SLIT3: variants seen among roughly 807,000 people sequenced by gnomAD.
The protein encoded by SLIT3 is slit guidance ligand 3, also known as slit homolog 3 protein.
Under a neutral mutation model 184.0 loss-of-function variants are expected in SLIT3, and 68 were observed. The observed-to-expected ratio is 0.37, with a 90% CI of 0.30 to 0.45. The LOEUF (loss-of-function observed/expected upper bound fraction) is 0.45. SLIT3 is among the 20% of genes least tolerant of loss of function. The pLI, the probability that SLIT3 is intolerant of heterozygous loss-of-function variation, is 1.00. For synonymous variants in SLIT3, 831 were observed against 828.6 expected (o/e 1.00, Z -0.05); for missense variants, 1,707 against 2,026.0 (o/e 0.84, Z 3.02).
At chr5:168,681,488 T>C (rs1761589914) in intron 32 of SLIT3, among the ~76,000 whole-genome samples, 1 of 152,148 alleles carries the variant, frequency 6.6e-6, no homozygotes, top group African/African-American at 2.4e-5. Context: ...GAATGAAGGG[T>C]ACTAAAGATC....
intron 1 of SLIT3, among the ~76,000 whole-genome samples, chr5:169,253,371 C>T (rs1312935794): frequency 1.3e-5 from 2 of 152,168 alleles, no homozygotes; most frequent in African/African-American, 4.8e-5. Context: ...ACACAAAGTG[C>T]ACTGCTGAAA....
chr5:168,912,924 T>C (rs948553188), intron 4 of SLIT3, among the ~76,000 whole-genome samples: 18 of 152,180 alleles, frequency 1.2e-4, no homozygotes, highest in Admixed American at 6.5e-4. Flanking sequence ...GATTCACTTG[T>C]TACAGCTCAT....
At chr5:168,711,586 AC>A (rs1312412679) in intron 24 of SLIT3, among the ~76,000 whole-genome samples, 2 of 152,190 alleles carry the variant, frequency 1.3e-5, no homozygotes, top group Non-Finnish European at 2.9e-5. Flanking sequence ...GAATATGCAT[AC>A]GTAGTATATC....
intron 25 of SLIT3, 117 bp from the exon 26 acceptor site, chr5:168,708,217 G>A: frequency 7.1e-7 from 1 of 1,399,460 alleles, no homozygotes; most frequent in Non-Finnish European, 9.9e-7. Flanking sequence ...CCAACTCCAT[G>A]CCCAGATGGC....
intron 4 of SLIT3, among the ~76,000 whole-genome samples, chr5:169,131,506 C>T (rs998103960): frequency 3.9e-5 from 6 of 152,172 alleles, no homozygotes; most frequent in African/African-American, 9.7e-5. Context: ...TCCCACTGAG[C>T]CCTAAGTCCC....
At chr5:168,983,467 C>A (rs1189644232) in intron 4 of SLIT3, among the ~76,000 whole-genome samples, 1 of 152,162 alleles carries the variant, frequency 6.6e-6, no homozygotes, top group Non-Finnish European at 1.5e-5. Context: ...CTCAGTGGGA[C>A]TTTGATGTCT....
At chr5:168,940,721 A>G (rs1032888784) in intron 4 of SLIT3, among the ~76,000 whole-genome samples, 2 of 152,186 alleles carry the variant, frequency 1.3e-5, no homozygotes, top group African/African-American at 2.4e-5. Context: ...GCTTTTCGGG[A>G]CAGTTTTATT....
chr5:168,895,401 G>C (rs1029855754), intron 4 of SLIT3, among the ~76,000 whole-genome samples: 4 of 152,114 alleles, frequency 2.6e-5, no homozygotes, highest in African/African-American at 9.7e-5. Context: ...GTATATGTCT[G>C]TGCTTTCTTG....
intron 4 of SLIT3, among the ~76,000 whole-genome samples, chr5:169,106,989 G>T (rs373380185): frequency 6.6e-6 from 1 of 152,236 alleles, no homozygotes; most frequent in Admixed American, 6.5e-5. Context: ...GCTGCCAAAC[G>T]TGTCAGAGGA....
At chr5:168,825,112 C>T (rs1345439952) in intron 6 of SLIT3, among the ~76,000 whole-genome samples, 1 of 152,286 alleles carries the variant, frequency 6.6e-6, no homozygotes, top group African/African-American at 2.4e-5. Context: ...TGGTACCTAC[C>T]TCACAGGCTG....
chr5:169,199,192 G>A (rs1159781565), intron 3 of SLIT3, among the ~76,000 whole-genome samples: 1 of 147,498 alleles, frequency 6.8e-6, no homozygotes, highest in Non-Finnish European at 1.5e-5. Context: ...GGAGAGAGAG[G>A]TGAGGTATAA....
chr5:169,268,036 C>CT, intron 1 of SLIT3, among the ~76,000 whole-genome samples: 1 of 152,348 alleles, frequency 6.6e-6, no homozygotes, highest in African/African-American at 2.4e-5. Context: ...TGCATTGGAA[C>CT]AGGCTACATA....
At chr5:168,786,572 G>T (rs772043699) in intron 11 of SLIT3, among the ~76,000 whole-genome samples, 1 of 152,050 alleles carries the variant, frequency 6.6e-6, no homozygotes, top group African/African-American at 2.4e-5. Flanking sequence ...CTTTCTATCC[G>T]CTTTTCCTAT....
At chr5:169,104,294 G>C (rs1046993876) in intron 4 of SLIT3, among the ~76,000 whole-genome samples, 2 of 152,158 alleles carry the variant, frequency 1.3e-5, no homozygotes, top group African/African-American at 4.8e-5. Flanking sequence ...CTCAGTGATG[G>C]AAAATGCCTG....
chr5:168,790,842 T>G (rs1427873539), intron 10 of SLIT3: 6 of 152,256 alleles, frequency 3.9e-5, no homozygotes, highest in African/African-American at 1.2e-4. Context: ...GTTTCCTTCC[T>G]TCTTCTAATA....
chr5:168,676,163 T>C (rs981830592), intron 32 of SLIT3, among the ~76,000 whole-genome samples: 1 of 150,194 alleles, frequency 6.7e-6, no homozygotes, highest in Non-Finnish European at 1.5e-5. Context: ...ATCTACTCTC[T>C]TCCATCCATC....
intron 5 of SLIT3, among the ~76,000 whole-genome samples, chr5:168,856,035 G>A (rs143800662): frequency 0.013 from 1,904 of 152,230 alleles, 38 homozygotes; most frequent in African/African-American, 0.042. Context: ...CTTGAACCTC[G>A]GAGGCAGAGG....
At chr5:169,090,730 A>G (rs1464700311) in intron 4 of SLIT3, among the ~76,000 whole-genome samples, 2 of 152,232 alleles carry the variant, frequency 1.3e-5, no homozygotes, top group African/African-American at 2.4e-5. Flanking sequence ...TGTGAAGACA[A>G]GACAGAGGCC....
intron 4 of SLIT3, chr5:169,036,576 C>CTT (rs1280258371): frequency 1.3e-5 from 2 of 152,112 alleles, no homozygotes; most frequent in Non-Finnish European, 1.5e-5. Flanking sequence ...GGGCAATGTT[C>CTT]TTTTTAAGGG....
Sources: gnomAD v4.1 joint callset for allele counts (sites outside exome capture counted in the v4.1 genomes callset) on GRCh38, gnomAD v4.1.1 for gene constraint, MANE v1.5 for transcripts, NCBI Gene and HGNC (gene_info 2026-07-23, HGNC 2026-07-21) for gene names.